WDR7: variants seen among roughly 807,000 people sequenced by gnomAD.
The protein encoded by WDR7 is WD repeat-containing protein 7.
Under a neutral mutation model 169.4 loss-of-function variants are expected in WDR7, and 46 were observed. The ratio of observed to expected loss-of-function variants is 0.27; its 90% confidence interval spans 0.21 to 0.35. The LOEUF is 0.35. Ranked by LOEUF, WDR7 falls within the 10% of genes least tolerant of loss-of-function variation. The pLI, the probability that WDR7 is intolerant of heterozygous loss-of-function variation, is 1.00. For missense variants in WDR7, 1,534 were observed against 1,859.3 expected (o/e 0.83, Z 3.22); for synonymous variants, 612 against 666.8 (o/e 0.92, Z 1.27).
intron 20 of WDR7, among the ~76,000 whole-genome samples, chr18:56,874,372 G>A (rs1423840605): frequency 6.6e-6 from 1 of 151,830 alleles, no homozygotes; most frequent in East Asian, 1.9e-4. Context: ...ATCTGTAATA[G>A]CATATACCTG....
intron 20 of WDR7, among the ~76,000 whole-genome samples, chr18:56,850,677 C>CT (rs1364266490): frequency 6.6e-6 from 1 of 151,980 alleles, no homozygotes; most frequent in African/African-American, 2.4e-5. Context: ...ACTTGACTAA[C>CT]TTTTTTATTA....
At chr18:56,982,827 C>T (rs2047665159) in intron 26 of WDR7, among the ~76,000 whole-genome samples, 1 of 152,230 alleles carries the variant, frequency 6.6e-6, no homozygotes, top group African/African-American at 2.4e-5. Context: ...TGTGTAGTGT[C>T]TGAGGTTCAG....
intron 22 of WDR7, among the ~76,000 whole-genome samples, chr18:56,931,714 A>G (rs1470759050): frequency 6.6e-6 from 1 of 152,236 alleles, no homozygotes; most frequent in Non-Finnish European, 1.5e-5. Flanking sequence ...CTAGAAGTCA[A>G]TGAGTGCTAT....
intron 25 of WDR7, among the ~76,000 whole-genome samples, chr18:56,961,682 G>T (rs1447166614): frequency 6.6e-6 from 1 of 152,012 alleles, no homozygotes; most frequent in Non-Finnish European, 1.5e-5. Context: ...AATTAATCTG[G>T]AAAAATAAAA....
intron 26 of WDR7, among the ~76,000 whole-genome samples, chr18:57,016,829 A>AT (rs976720117): frequency 1.8e-4 from 28 of 152,106 alleles, no homozygotes; most frequent in African/African-American, 6.5e-4. Flanking sequence ...TAATTGCTTG[A>AT]TTTTTTTTAA....
At chr18:56,719,272 CAG>C (rs1353849925) in intron 13 of WDR7, among the ~76,000 whole-genome samples, 2 of 152,090 alleles carry the variant, frequency 1.3e-5, no homozygotes, top group African/African-American at 4.8e-5. Flanking sequence ...TTTTAAAAAA[CAG>C]AATTGCTGGC....
At chr18:56,996,859 C>T (rs1291123866) in intron 26 of WDR7, among the ~76,000 whole-genome samples, 1 of 152,088 alleles carries the variant, frequency 6.6e-6, no homozygotes, top group African/African-American at 2.4e-5. Flanking sequence ...TCATATAGCA[C>T]TTAAACTTAT....
chr18:56,896,394 G>A (rs972794592), intron 21 of WDR7, among the ~76,000 whole-genome samples: 3 of 151,762 alleles, frequency 2.0e-5, no homozygotes, highest in African/African-American at 7.2e-5. Context: ...CACTCCTAAA[G>A]AAGATAAACA....
intron 2 of WDR7, among the ~76,000 whole-genome samples, chr18:56,674,814 C>T (rs1412219504): frequency 6.6e-6 from 1 of 152,084 alleles, no homozygotes; most frequent in Non-Finnish European, 1.5e-5. Context: ...TTACTTCTTA[C>T]ATTTAGGTCT....
chr18:56,994,792 C>T (rs1048614024), intron 26 of WDR7, among the ~76,000 whole-genome samples: 1 of 152,138 alleles, frequency 6.6e-6, no homozygotes, highest in Non-Finnish European at 1.5e-5. Flanking sequence ...CTTTCAAACC[C>T]ACTAATAGCA....
At chr18:56,764,814 G>C (rs543767162) in intron 16 of WDR7, among the ~76,000 whole-genome samples, 1 of 152,038 alleles carries the variant, frequency 6.6e-6, no homozygotes, top group African/African-American at 2.4e-5. Flanking sequence ...TTTTCTGCCT[G>C]CTTGCCTTTA....
At chr18:56,859,911 T>G (rs555461559) in intron 20 of WDR7, among the ~76,000 whole-genome samples, 1 of 152,358 alleles carries the variant, frequency 6.6e-6, no homozygotes, top group Admixed American at 6.5e-5. Context: ...TTCGCTCCTT[T>G]AATGTCTTTA....
chr18:56,909,329 A>G lies in WDR7; in HGVS notation c.3527-14593A>G, dbSNP rs561777208. Among the ~76,000 whole-genome samples the G allele has an allele frequency of 3.3e-5, 5 of 152,194 alleles. No homozygotes were observed. In the South Asian group the frequency reaches 1.0e-3, roughly 32 times the overall value. On this transcript the variant is annotated intron_variant, in intron 21 of 27. Transcript: ENST00000254442. ...GGAATATATCTGGATTGTCTGGAGGACTTTTAAAAATTATACTCCCTCCAG... is the reference window on the plus strand; with the variant it reads ...GGAATATATCTGGATTGTCTGGAGGGCTTTTAAAAATTATACTCCCTCCAG...
intron 21 of WDR7, among the ~76,000 whole-genome samples, chr18:56,909,194 T>G (rs1478745221): frequency 6.6e-6 from 1 of 151,762 alleles, no homozygotes; most frequent in Non-Finnish European, 1.5e-5. Context: ...ATCCAGGTCT[T>G]ACTTAATAGC....
At chr18:56,990,840 T>C (rs891063458) in intron 26 of WDR7, among the ~76,000 whole-genome samples, 1 of 152,218 alleles carries the variant, frequency 6.6e-6, no homozygotes, top group Non-Finnish European at 1.5e-5. Context: ...TTTTTGTTGT[T>C]GTTATTTCAA....
rs8094171 is a variant in WDR7 at position 56,943,736 on chromosome 18, C to T, written c.4064+4343C>T. 6.5e-3 allele frequency among the ~76,000 whole-genome samples: 992 copies of T among 152,118 alleles called. 14 individuals are homozygous for T. Among genetic ancestry groups the T allele is most frequent in the African/African-American group, 0.021 (870 of 41,512 alleles). On this transcript the variant is annotated intron_variant, in intron 25 of 27. Transcript: ENST00000254442. ...AGCATTGTAAACATGATCTTCACATCTAAAGCTGTATTAATTTAATTAAGA... is the reference window on the plus strand; with the variant it reads ...AGCATTGTAAACATGATCTTCACATTTAAAGCTGTATTAATTTAATTAAGA...
intron 20 of WDR7, among the ~76,000 whole-genome samples, chr18:56,869,747 T>C (rs536117516): frequency 6.6e-6 from 1 of 152,314 alleles, no homozygotes; most frequent in Admixed American, 6.5e-5. Flanking sequence ...TTATTTACTT[T>C]AGGTGCACAG....
the WDR7 span, chr18:57,035,374 AG>A: frequency 2.0e-5 from 3 of 152,416 alleles, no homozygotes; most frequent in African/African-American, 4.8e-5. Context: ...GCAAGGACCC[AG>A]GGAAAAAGTG....
At chr18:56,683,636 A>G (rs963957526) in intron 5 of WDR7, among the ~76,000 whole-genome samples, 4 of 152,188 alleles carry the variant, frequency 2.6e-5, no homozygotes, top group Non-Finnish European at 1.5e-5. Context: ...AATTCTCACA[A>G]TACTTAGTGG....
Sources: allele counts gnomAD v4.1 joint callset (sites outside exome capture counted in the v4.1 genomes callset), GRCh38; gene constraint gnomAD v4.1.1; transcripts MANE v1.5; gene names NCBI Gene and HGNC (gene_info 2026-07-23, HGNC 2026-07-21).